The following TMEM132B variants were observed in gnomAD, a reference collection of about 807,000 sequenced individuals.
The protein encoded by TMEM132B is transmembrane protein 132B.
Under a neutral mutation model 90.8 loss-of-function variants are expected in TMEM132B, and 18 were observed. The observed-to-expected ratio is 0.20, with a 90% CI of 0.14 to 0.29. The LOEUF (loss-of-function observed/expected upper bound fraction) is 0.29. TMEM132B is among the 10% of genes least tolerant of loss of function. The probability of loss-of-function intolerance (pLI) is 1.00; values close to 1 mark genes in which losing one functional copy is unlikely to be tolerated. For missense variants in TMEM132B, 1,096 were observed against 1,326.8 expected (o/e 0.83, Z 2.70); for synonymous variants, 504 against 523.3 (o/e 0.96, Z 0.50).
intron 1 of TMEM132B, among the ~76,000 whole-genome samples, chr12:125,219,076 G>A (rs537211344): frequency 6.6e-6 from 1 of 152,336 alleles, no homozygotes; most frequent in South Asian, 2.1e-4. Flanking sequence ...CATCTGTGGT[G>A]AGAGGTCCTG....
chr12:125,538,860 T>C (rs1358738624), intron 4 of TMEM132B, among the ~76,000 whole-genome samples: 2 of 152,088 alleles, frequency 1.3e-5, no homozygotes, highest in African/African-American at 4.8e-5. Flanking sequence ...ATAGAGGAGT[T>C]ACCCCGGATG....
chr12:125,409,748 GT>G (rs1403311725), intron 2 of TMEM132B, among the ~76,000 whole-genome samples: 1 of 24,770 alleles, frequency 4.0e-5, no homozygotes, highest in Non-Finnish European at 7.3e-5. Context: ...GTGGAGTGGA[GT>G]GAGTGGAGTG....
At position 125,517,852 on chromosome 12, in the gene TMEM132B, C is replaced by T. The variant is rs563832295; in HGVS notation, c.1107-1587C>T. On this transcript the variant is annotated intron_variant, in intron 3 of 8. Coordinates refer to ENST00000682704, the MANE Select transcript of TMEM132B (RefSeq NM_001366854.1). ...GGGTACAAAGCAGGTCAGCAGTTGT[C>T]TACCTGCCCTGTGCAACATGTCACC... 3.9e-5 allele frequency among the ~76,000 whole-genome samples: 6 copies of T among 152,330 alleles called. No individual in the cohort carries two copies. The South Asian group carries it at 1.2e-3, about 32-fold the overall frequency.
At chr12:125,563,166 TAA>T (rs1381680657) in intron 4 of TMEM132B, among the ~76,000 whole-genome samples, 1 of 148,336 alleles carries the variant, frequency 6.7e-6, no homozygotes, top group East Asian at 2.0e-4. Context: ...ATAATAATAA[TAA>T]TAATAATAAT....
intron 3 of TMEM132B, among the ~76,000 whole-genome samples, chr12:125,516,421 A>G (rs1883164788): frequency 6.6e-6 from 1 of 152,230 alleles, no homozygotes; most frequent in Admixed American, 6.5e-5. Context: ...CCCATTGCCT[A>G]AAAGTATAAG....
chr12:125,608,534 C>A (rs2136937424), intron 5 of TMEM132B, among the ~76,000 whole-genome samples: 1 of 152,116 alleles, frequency 6.6e-6, no homozygotes, highest in East Asian at 1.9e-4. Flanking sequence ...TTTCATTTTT[C>A]TGATAGTATT....
At chr12:125,358,244 A>G (rs78088642) in intron 2 of TMEM132B, among the ~76,000 whole-genome samples, 4 of 151,884 alleles carry the variant, frequency 2.6e-5, no homozygotes, top group Admixed American at 6.6e-5. Flanking sequence ...AGACATTTTC[A>G]TTTTGTTTTA....
At chr12:125,341,050 G>T (rs1372708995) in intron 1 of TMEM132B, among the ~76,000 whole-genome samples, 1 of 152,234 alleles carries the variant, frequency 6.6e-6, no homozygotes, top group Non-Finnish European at 1.5e-5. Context: ...TGCTTTGAGA[G>T]CTGGGCAATT....
chr12:125,648,806 A>C (rs1886833521), intron 6 of TMEM132B, among the ~76,000 whole-genome samples: 1 of 152,212 alleles, frequency 6.6e-6, no homozygotes, highest in Non-Finnish European at 1.5e-5. Context: ...ACAAATGGTC[A>C]ACTAGTGTCA....
intron 1 of TMEM132B, among the ~76,000 whole-genome samples, chr12:125,332,624 A>G (rs550982120): frequency 2.8e-5 from 3 of 106,552 alleles, no homozygotes; most frequent in South Asian, 7.0e-4. Flanking sequence ...TTTTTAAGAC[A>G]GTAGAGTGCT....
intron 4 of TMEM132B, among the ~76,000 whole-genome samples, chr12:125,571,814 G>T (rs560379651): frequency 1.3e-5 from 2 of 152,236 alleles, no homozygotes; most frequent in East Asian, 1.9e-4. Flanking sequence ...AAACTCTTAC[G>T]TAAGTAGAGT....
At chr12:125,479,053 A>G (rs927048058) in intron 3 of TMEM132B, among the ~76,000 whole-genome samples, 2 of 152,162 alleles carry the variant, frequency 1.3e-5, no homozygotes, top group Admixed American at 1.3e-4. Flanking sequence ...TTACAGACAA[A>G]CAAATGCTGA....
At position 125,583,943 on chromosome 12, in the gene TMEM132B, C is replaced by T. The variant is rs763861460; in HGVS notation, c.1386C>T (p.Val462=). The T allele has an allele frequency of 1.9e-6, 3 of 1,614,018 alleles. No homozygotes were observed. The highest frequency in any genetic ancestry group is 1.7e-5 in the Admixed American group (1 of 60,012). ...GGGTCCAGGAGGATGGTTCTGTGGT[C>T]GATGTGTCTGAGTCTGTGGAATGCA... ...VVGVQEDGSV[V]DVSESVECKS... is the part of the protein sequence containing the mutation. Residue 462 remains valine, a synonymous_variant, in exon 5 of 9, where the codon GTC becomes GTT. Coordinates refer to ENST00000682704, the MANE Select transcript of TMEM132B (RefSeq NM_001366854.1).
chr12:125,482,298 A>G (rs1208054204), intron 3 of TMEM132B, among the ~76,000 whole-genome samples: 1 of 152,232 alleles, frequency 6.6e-6, no homozygotes, highest in Non-Finnish European at 1.5e-5. Flanking sequence ...AAAAGAAACT[A>G]CCATCAGAGT....
chr12:125,436,421 G>A (rs1880705580), intron 3 of TMEM132B, among the ~76,000 whole-genome samples: 1 of 152,186 alleles, frequency 6.6e-6, no homozygotes, highest in African/African-American at 2.4e-5. Context: ...CATGGGAGTT[G>A]TAATTATTTA....
At chr12:125,478,503 A>C (rs1479987126) in intron 3 of TMEM132B, among the ~76,000 whole-genome samples, 1 of 152,250 alleles carries the variant, frequency 6.6e-6, no homozygotes, top group Non-Finnish European at 1.5e-5. Flanking sequence ...ATCAAGTGGA[A>C]GAAAGGGTAT....
At chr12:125,290,355 C>T (rs563100739) in intron 1 of TMEM132B, among the ~76,000 whole-genome samples, 6 of 152,242 alleles carry the variant, frequency 3.9e-5, no homozygotes, top group African/African-American at 9.6e-5. Context: ...GAATATCGTG[C>T]ACCCACCACC....
In TMEM132B at chr12:125,415,527, A is replaced by G; in HGVS notation, c.960-4A>G. ...TATAATATCATTGTTTTCCCACCCC[A>G]CAGAATTAAGGCGGCAGCAGGTGTG... On this transcript the variant is annotated splice_region_variant and splice_polypyrimidine_tract_variant and intron_variant, in intron 2 of 8. Coordinates refer to ENST00000682704, the MANE Select transcript of TMEM132B (RefSeq NM_001366854.1). The surrounding 1 kb of genome is among the most constrained non-coding windows in gnomAD (Gnocchi z 5.3). 6.2e-7 allele frequency: 1 copy of G among 1,613,838 alleles called. No individual in the cohort carries two copies.
chr12:125,348,204 A>G (rs10773161), intron 1 of TMEM132B, among the ~76,000 whole-genome samples: 46,952 of 152,028 alleles, frequency 0.31, 7,417 homozygotes, highest in Admixed American at 0.39. Flanking sequence ...ATAGTTTCAT[A>G]TTATTCCACT....
Sources: gnomAD v4.1 joint callset for allele counts (sites outside exome capture counted in the v4.1 genomes callset) on GRCh38, gnomAD v4.1.1 for gene constraint, Gnocchi (gnomAD v3.1) non-coding constraint, MANE v1.5 for transcripts, NCBI Gene and HGNC (gene_info 2026-07-23, HGNC 2026-07-21) for gene names.